Variants in KLHL5 observed in about 807,000 individuals in gnomAD.
KLHL5 encodes kelch like family member 5.
In KLHL5, 48 loss-of-function variants were observed where a neutral mutation model predicts 77.7. That is an observed-to-expected ratio of 0.62 (90% confidence interval 0.49 to 0.79). The LOEUF (loss-of-function observed/expected upper bound fraction) is 0.79, where lower values mean the gene tolerates loss of function less well. KLHL5 is among the 30% of genes least tolerant of loss of function. KLHL5 has a pLI of 0.00. For missense variants in KLHL5, 723 were observed against 859.7 expected, an observed-to-expected ratio of 0.84 and a Z score of 1.99; for synonymous variants, 260 against 297.0, an observed-to-expected ratio of 0.88 and a Z score of 1.28.
chr4:39,059,491 A>C (rs2711945), upstream of KLHL5, among the ~76,000 whole-genome samples: 2 of 152,142 alleles, frequency 1.3e-5, no homozygotes, highest in African/African-American at 4.8e-5. Context: ...TCACGCCTGT[A>C]ATCTCAGCAT....
At chr4:39,058,443 T>C (rs1009695058), upstream of KLHL5, among the ~76,000 whole-genome samples, 1 of 152,026 alleles carries the variant, frequency 6.6e-6, no homozygotes, top group African/African-American at 2.4e-5. Context: ...CTGGGCAACA[T>C]GGCAAAACCC....
rs34713116 is a variant in KLHL5, at chr4:39,048,638, C to CTTTTTTTTTTTT, written c.-95+3552_-95+3563dup. 1.6e-4 allele frequency among the ~76,000 whole-genome samples: 13 copies of CTTTTTTTTTTTT among 79,140 alleles called. 1 individual carries two copies. The highest frequency in any genetic ancestry group is 6.5e-4 in the African/African-American group (12 of 18,592). 51.9% of individuals were successfully genotyped at this position (79,140 alleles called of 152,430 possible). ...AAAGGATGTGGTGATTTTACATTGG[C>CTTTTTTTTTTTT]TTTTTTTTTTTTTTTTTTTTTGGAG... On this transcript the variant is annotated intron_variant, in intron 1 of 11. Coordinates refer to the KLHL5 transcript ENST00000261425.
intron 10 of KLHL5, among the ~76,000 whole-genome samples, chr4:39,119,773 C>G (rs1384162979): frequency 5.9e-5 from 9 of 152,192 alleles, no homozygotes; most frequent in Non-Finnish European, 5.9e-5. Context: ...CACTTTCTAG[C>G]TAGTTGTCAT....
chr4:39,099,250 T>C (rs1185548272), intron 6 of KLHL5, among the ~76,000 whole-genome samples: 1 of 152,166 alleles, frequency 6.6e-6, no homozygotes, highest in African/African-American at 2.4e-5. Context: ...ATCATACCAC[T>C]GTACCCCAGC....
intron 2 of KLHL5, among the ~76,000 whole-genome samples, chr4:39,077,090 T>G (rs1276894472): frequency 6.8e-6 from 1 of 147,388 alleles, no homozygotes; most frequent in Non-Finnish European, 1.5e-5. Context: ...AAAAAAACAG[T>G]CCCATCAAAA....
At chr4:39,106,802 G>T (rs755770883) in intron 7 of KLHL5, among the ~76,000 whole-genome samples, 1 of 151,788 alleles carries the variant, frequency 6.6e-6, no homozygotes, top group Admixed American at 6.6e-5. Context: ...TCTGTCATCC[G>T]GGCTGGAGGT....
At chr4:39,108,962 C>CT (rs1235042998) in intron 8 of KLHL5, among the ~76,000 whole-genome samples, 1 of 151,952 alleles carries the variant, frequency 6.6e-6, no homozygotes, top group Non-Finnish European at 1.5e-5. Context: ...ACTTACTTAC[C>CT]TTTTCTTGCC....
At chr4:39,096,966 A>G in intron 6 of KLHL5, 88 bp downstream of exon 6, 1 of 1,124,950 alleles carries the variant, frequency 8.9e-7, no homozygotes, top group South Asian at 1.3e-5. Context: ...CTCTTTGGAG[A>G]AATGGCTGGC....
chr4:39,074,772 A>C (rs1042620544), intron 1 of KLHL5, among the ~76,000 whole-genome samples: 1 of 152,162 alleles, frequency 6.6e-6, no homozygotes, highest in Admixed American at 6.5e-5. Flanking sequence ...TTCTCTTAAG[A>C]TATAGTGGGG....
chr4:39,078,685 G>C (rs1241436993), intron 2 of KLHL5, among the ~76,000 whole-genome samples: 1 of 152,100 alleles, frequency 6.6e-6, no homozygotes, highest in Non-Finnish European at 1.5e-5. Flanking sequence ...TGGAGACAGA[G>C]TGAGACTCTG....
intron 1 of KLHL5, among the ~76,000 whole-genome samples, chr4:39,066,773 T>C (rs1163272927): frequency 6.6e-6 from 1 of 152,216 alleles, no homozygotes; most frequent in Non-Finnish European, 1.5e-5. Context: ...TATTAACTCA[T>C]TTAGTCTTCA....
intron 1 of KLHL5, among the ~76,000 whole-genome samples, chr4:39,070,285 C>T (rs988321037): frequency 1.3e-5 from 2 of 152,060 alleles, no homozygotes; most frequent in African/African-American, 2.4e-5. Context: ...GTTTTATTAC[C>T]GTAAGAAGGA....
At chr4:39,064,096 A>G (rs1227362634) in intron 1 of KLHL5, among the ~76,000 whole-genome samples, 1 of 152,134 alleles carries the variant, frequency 6.6e-6, no homozygotes, top group Non-Finnish European at 1.5e-5. Flanking sequence ...GGATTGAGAC[A>G]AAATGAATTT....
intron 6 of KLHL5, 54 bp downstream of exon 6, chr4:39,096,932 A>T: frequency 7.1e-7 from 1 of 1,403,768 alleles, no homozygotes; most frequent in Non-Finnish European, 1.0e-6. Context: ...AGATATTTTA[A>T]TAAGTGTATA....
chr4:39,130,135 T>G (rs988735018), downstream of KLHL5, among the ~76,000 whole-genome samples: 2 of 152,134 alleles, frequency 1.3e-5, no homozygotes, highest in Non-Finnish European at 2.9e-5. Context: ...AAGTGGGAAA[T>G]CAGGGGTCTC....
intron 4 of KLHL5, among the ~76,000 whole-genome samples, chr4:39,082,726 C>G (rs931660370): frequency 6.6e-6 from 1 of 152,128 alleles, no homozygotes; most frequent in Non-Finnish European, 1.5e-5. Context: ...CAACAAACCC[C>G]CATGATACAA....
chr4:39,111,999 C>T (rs1243276769), intron 8 of KLHL5, among the ~76,000 whole-genome samples: 1 of 151,998 alleles, frequency 6.6e-6, no homozygotes, highest in East Asian at 1.9e-4. Context: ...TAAGTATTAA[C>T]TAACATTTGT....
chr4:39,115,822 C>T (rs1490541496), intron 10 of KLHL5: 2 of 1,020,310 alleles, frequency 2.0e-6, no homozygotes, highest in African/African-American at 1.7e-5. Flanking sequence ...GGCAGTCTTA[C>T]TAACAGAAAG....
upstream of KLHL5, among the ~76,000 whole-genome samples, chr4:39,058,703 A>G (rs926642380): frequency 6.6e-6 from 1 of 152,162 alleles, no homozygotes; most frequent in Non-Finnish European, 1.5e-5. Context: ...AAAAAATAGT[A>G]TAAGTATATA....
Sources: allele counts gnomAD v4.1 joint callset (sites outside exome capture counted in the v4.1 genomes callset), GRCh38; gene constraint gnomAD v4.1.1; transcripts MANE v1.5; gene names NCBI Gene and HGNC (gene_info 2026-07-23, HGNC 2026-07-21).